Variants in RNF144B observed in about 807,000 individuals in gnomAD.
RNF144B encodes the protein ring finger protein 144B, also known as E3 ubiquitin-protein ligase RNF144B.
In RNF144B, 25 loss-of-function variants were observed where a neutral mutation model predicts 40.2. The observed-to-expected ratio is 0.62, with a 90% CI of 0.45 to 0.87. The LOEUF (loss-of-function observed/expected upper bound fraction) is 0.87. Among genes scored for constraint, RNF144B ranks in the 40% least tolerant of loss-of-function variants. RNF144B has a pLI of 0.00. For missense variants in RNF144B, 365 were observed against 373.7 expected (o/e 0.98, Z 0.19); for synonymous variants, 145 against 136.3 (o/e 1.06, Z -0.44).
chr6:18,392,124 C>T (rs1234044142), intron 1 of RNF144B, among the ~76,000 whole-genome samples: 13 of 149,316 alleles, frequency 8.7e-5, no homozygotes, highest in Non-Finnish European at 1.3e-4. Flanking sequence ...AGGAGAATGG[C>T]GTGAACCCAG....
rs1028949607 is a variant in RNF144B at position 18,441,820 on chromosome 6, A to G, written c.331+2076A>G. On this transcript the variant is annotated intron_variant, in intron 4 of 7. Transcript: ENST00000259939. This position sits in a 1 kb window ranked among gnomAD's most constrained non-coding sequence, Gnocchi z 4.9. ...TCTGTACCACAGGGTTGTGATGAGG[A>G]TTATGTGAATTAATACTTGTAAAGC... is the stretch of plus-strand genomic sequence containing the variant. 2.0e-5 allele frequency among the ~76,000 whole-genome samples: 3 copies of G among 152,192 alleles called. No homozygotes were observed. The highest frequency in any genetic ancestry group is 7.2e-5 in the African/African-American group (3 of 41,438).
intron 3 of RNF144B, among the ~76,000 whole-genome samples, chr6:18,435,545 C>T (rs1475961288): frequency 6.6e-6 from 1 of 152,070 alleles, no homozygotes; most frequent in Non-Finnish European, 1.5e-5. Context: ...TCAGTGGATA[C>T]AAAAATTAGT....
At chr6:18,407,987 T>TC (rs1457273869) in intron 2 of RNF144B, among the ~76,000 whole-genome samples, 1 of 20,546 alleles carries the variant, frequency 4.9e-5, no homozygotes, top group African/African-American at 1.3e-4. Context: ...TCTTTTTCTT[T>TC]TTTTTTTTTT....
intron 2 of RNF144B, among the ~76,000 whole-genome samples, chr6:18,408,962 C>T (rs990652996): frequency 1.4e-5 from 2 of 144,006 alleles, no homozygotes; most frequent in Admixed American, 7.2e-5. Flanking sequence ...TTTTTCTCTG[C>T]AAAATGAGCA....
chr6:18,403,305 A>G (rs1794829191), intron 2 of RNF144B, among the ~76,000 whole-genome samples: 1 of 152,182 alleles, frequency 6.6e-6, no homozygotes, highest in Admixed American at 6.5e-5. Context: ...TTTATTTTAG[A>G]AGTGATTTCT....
chr6:18,389,292 C>G (rs907134898), intron 1 of RNF144B, among the ~76,000 whole-genome samples: 1 of 152,114 alleles, frequency 6.6e-6, no homozygotes, highest in African/African-American at 2.4e-5. Flanking sequence ...GTTTTTGGGT[C>G]TCAGATTATG....
At position 18,464,277 on chromosome 6, in the gene RNF144B, T is replaced by C. The variant is rs961257977; in HGVS notation, c.772-650T>C. On this transcript the variant is annotated intron_variant, in intron 7 of 7. Transcript: ENST00000259939. The surrounding 1 kb of genome is among the most constrained non-coding windows in gnomAD (Gnocchi z 6.1). ...AATCATTAACATCCCTTTGAGCTAG[T>C]TGAGGAAATTCAAGTAGAGAGAGAG... Among the ~76,000 whole-genome samples, 2 of 152,152 alleles carry C rather than the reference T, an allele frequency of 1.3e-5. No individual in the cohort carries two copies. Among genetic ancestry groups the C allele is most frequent in the Non-Finnish European group, 2.9e-5 (2 of 68,012 alleles).
At position 18,419,495 on chromosome 6, in the gene RNF144B, T is replaced by G. The variant is rs945462307; in HGVS notation, c.166-8086T>G. Among the ~76,000 whole-genome samples the G allele has an allele frequency of 2.0e-5, 3 of 151,818 alleles. No individual in the cohort carries two copies. Among genetic ancestry groups the G allele is most frequent in the Non-Finnish European group, 4.4e-5 (3 of 67,974 alleles). ...GAAATTCCAGCATTTAAAAGTTGAG[T>G]TGAGGAAAATGCAGAAGATTGAGAA... On this transcript the variant is annotated intron_variant, in intron 2 of 7. Transcript: ENST00000259939. This position sits in a 1 kb window ranked among gnomAD's most constrained non-coding sequence, Gnocchi z 4.6.
At chr6:18,403,820 G>A (rs1405885920) in intron 2 of RNF144B, among the ~76,000 whole-genome samples, 1 of 152,208 alleles carries the variant, frequency 6.6e-6, no homozygotes, top group Non-Finnish European at 1.5e-5. Context: ...AAGGTCTCAT[G>A]CTAGGTCAAA....
Position 18,448,684 on chromosome 6 carries a change from G to A in RNF144B, c.332-8471G>A, listed in dbSNP as rs1188041240. The stretch of plus-strand genomic sequence containing the variant: ...TAAATCCATTTTATTTTGAAAGCCA[G>A]CATGCACACACACACACACACACAC... On this transcript the variant is annotated intron_variant, in intron 4 of 7. Transcript: ENST00000259939. This position sits in a 1 kb window ranked among gnomAD's most constrained non-coding sequence, Gnocchi z 4.0. Among the ~76,000 whole-genome samples the A allele has an allele frequency of 2.1e-5, 2 of 95,890 alleles. No homozygotes were observed. Among genetic ancestry groups the A allele is most frequent in the Non-Finnish European group, 4.7e-5 (2 of 42,798 alleles). The allele number at this position is 95,890 out of a possible 152,430, so 62.9% of individuals were successfully genotyped here. A position where few individuals can be genotyped will look rare whatever the true frequency, so the allele number is the denominator to read the frequency against.
chr6:18,388,017 A>G (rs539000187), intron 1 of RNF144B, among the ~76,000 whole-genome samples: 1 of 152,290 alleles, frequency 6.6e-6, no homozygotes, highest in Non-Finnish European at 1.5e-5. Context: ...TGATACTACG[A>G]GAGCCATTCT....
At chr6:18,440,850 A>G (rs1163268041) in intron 4 of RNF144B, among the ~76,000 whole-genome samples, 1 of 148,206 alleles carries the variant, frequency 6.7e-6, no homozygotes, top group Non-Finnish European at 1.5e-5. Flanking sequence ...TCATGGGTGG[A>G]TTACTTAACT....
In RNF144B at chr6:18,447,145, A is replaced by T. The variant is rs1234616454; in HGVS notation, c.331+7401A>T. 6.6e-6 allele frequency among the ~76,000 whole-genome samples: 1 copy of T among 152,026 alleles called. No homozygotes were observed. Among genetic ancestry groups the T allele is most frequent in the Admixed American group, 6.6e-5 (1 of 15,256 alleles). On this transcript the variant is annotated intron_variant, in intron 4 of 7. Coordinates refer to ENST00000259939, the MANE Select transcript of RNF144B (RefSeq NM_182757.4). The surrounding 1 kb of genome is among the most constrained non-coding windows in gnomAD (Gnocchi z 5.6). ...AATAAGGGTAAGGGGAAAGAGATAG[A>T]TGGGGGAGGCTATTTTGGATAGGAT...
rs1759136266 is a variant in RNF144B, at chr6:18,448,561, G to C, written c.332-8594G>C. Among the ~76,000 whole-genome samples, 1 of 151,962 alleles carries C rather than the reference G, an allele frequency of 6.6e-6. No homozygotes were observed. The highest frequency in any genetic ancestry group is 2.4e-5 in the African/African-American group (1 of 41,358). Reference sequence around the variant, plus strand: ...CGTGAAGTTTACAAGATACCTCCCAGGTTGCATCCATTCATAAATCATCCA... The same window carrying C: ...CGTGAAGTTTACAAGATACCTCCCACGTTGCATCCATTCATAAATCATCCA... On this transcript the variant is annotated intron_variant, in intron 4 of 7. Coordinates refer to ENST00000259939, the MANE Select transcript of RNF144B (RefSeq NM_182757.4). The surrounding 1 kb of genome is among the most constrained non-coding windows in gnomAD (Gnocchi z 4.0).
chr6:18,452,118 T>G (rs1205077522), intron 4 of RNF144B, among the ~76,000 whole-genome samples: 1 of 152,204 alleles, frequency 6.6e-6, no homozygotes, highest in African/African-American at 2.4e-5. Flanking sequence ...CAAGATGGTA[T>G]TATTAGTATG....
chr6:18,450,451 C>G lies in RNF144B; in HGVS notation c.332-6704C>G, dbSNP rs1265255875. On this transcript the variant is annotated intron_variant, in intron 4 of 7. Transcript: ENST00000259939. This position sits in a 1 kb window ranked among gnomAD's most constrained non-coding sequence, Gnocchi z 4.7. ...TAGCTGGGATTACACGTGTGTGCCA[C>G]CAGGCCTGGCTAATTTTGTATTTTT... is the stretch of plus-strand genomic sequence containing the variant. 6.6e-6 allele frequency among the ~76,000 whole-genome samples: 1 copy of G among 152,074 alleles called. No homozygotes were observed. Among genetic ancestry groups the G allele is most frequent in the East Asian group, 1.9e-4 (1 of 5,178 alleles).
chr6:18,387,440 G>A lies in RNF144B; in HGVS notation c.-227G>A, dbSNP rs999552084. Reference sequence around the variant, plus strand: ...GCGGTCGGGGACTCCGCCTCCTCCCGACCCGTAGGTCTGGGAGCGCAAGTC... The same window carrying A: ...GCGGTCGGGGACTCCGCCTCCTCCCAACCCGTAGGTCTGGGAGCGCAAGTC... On this transcript the variant is annotated 5_prime_UTR_variant, in exon 1 of 8. Coordinates refer to ENST00000259939, the MANE Select transcript of RNF144B (RefSeq NM_182757.4). 4.1e-6 allele frequency: 5 copies of A among 1,209,686 alleles called. No homozygotes were observed. The highest frequency in any genetic ancestry group is 7.4e-5 in the East Asian group (1 of 13,538). 74.9% of individuals were successfully genotyped at this position (1,209,686 alleles called of 1,614,324 possible).
Position 18,427,664 on chromosome 6 carries a change from C to T in RNF144B, c.249C>T (p.His83=), listed in dbSNP as rs756555638. The T allele has an allele frequency of 2.7e-5, 44 of 1,612,106 alleles. No homozygotes were observed. The highest frequency in any genetic ancestry group is 3.4e-5 in the Non-Finnish European group (40 of 1,178,482). Residue 83 remains histidine, a synonymous_variant, in exon 3 of 8, where the codon CAC becomes CAT. Coordinates refer to ENST00000259939, the MANE Select transcript of RNF144B (RefSeq NM_182757.4). ...ITCPDMVCLN[H]GTLQEAEIAC... ...GCCCTGACATGGTGTGCCTAAACCA[C>T]GGGACCCTGCAGGAAGCTGAGGTAT...
chr6:18,410,348 C>T lies in RNF144B; in HGVS notation c.165+10649C>T, dbSNP rs377567455. Among the ~76,000 whole-genome samples, 26 of 152,268 alleles carry T rather than the reference C, an allele frequency of 1.7e-4. No homozygotes were observed. In the East Asian group the frequency reaches 2.1e-3, roughly 12 times the overall value. On this transcript the variant is annotated intron_variant, in intron 2 of 7. Transcript: ENST00000259939. The surrounding 1 kb of genome is among the most constrained non-coding windows in gnomAD (Gnocchi z 4.6). ...CAGTCATCAGACACAACCAGCCCTG[C>T]TGTTATGTGGGCAGTAGACCCTCTG... is the stretch of plus-strand genomic sequence containing the variant.
Sources: allele counts gnomAD v4.1 joint callset (sites outside exome capture counted in the v4.1 genomes callset), GRCh38; gene constraint gnomAD v4.1.1; non-coding constraint Gnocchi (gnomAD v3.1); transcripts MANE v1.5; gene names NCBI Gene and HGNC (gene_info 2026-07-23, HGNC 2026-07-21).